The following UBE2Q2 variants were observed in gnomAD, a reference collection of about 807,000 sequenced individuals.
UBE2Q2 encodes the protein ubiquitin conjugating enzyme E2 Q2.
UBE2Q2 carries 54 observed loss-of-function variants against 59.9 expected under a neutral mutation model. The observed-to-expected ratio is 0.90, with a 90% CI of 0.72 to 1.13. The LOEUF (loss-of-function observed/expected upper bound fraction) is 1.13. UBE2Q2 is among the 50% of genes most tolerant of loss of function. The pLI, the probability that UBE2Q2 is intolerant of heterozygous loss-of-function variation, is 0.00. For missense variants in UBE2Q2, 433 were observed against 441.9 expected, an observed-to-expected ratio of 0.98 and a Z score of 0.18; for synonymous variants, 165 against 155.2, an observed-to-expected ratio of 1.06 and a Z score of -0.47.
At chr15:75,898,755 T>G (rs532379144) in intron 12 of UBE2Q2, among the ~76,000 whole-genome samples, 2 of 152,192 alleles carry the variant, frequency 1.3e-5, no homozygotes, top group African/African-American at 4.8e-5. Flanking sequence ...TTTGGGGAAA[T>G]AAGTACTTTC....
Position 75,883,968 on chromosome 15 carries a change from C to T in UBE2Q2, c.884+544C>T, listed in dbSNP as rs908120062. On this transcript the variant is annotated intron_variant, in intron 9 of 12. Transcript: ENST00000267938. ...TGTTACGATTAGAGAATGGTCCCCA[C>T]ATGCCTGTGATCCTAATTGGTACTT... 6.6e-5 allele frequency among the ~76,000 whole-genome samples: 10 copies of T among 152,258 alleles called. No homozygotes were observed. In the East Asian group the frequency reaches 1.3e-3, roughly 21 times the overall value.
At chr15:75,871,790 G>A (rs750161479) in intron 4 of UBE2Q2, among the ~76,000 whole-genome samples, 18 of 152,218 alleles carry the variant, frequency 1.2e-4, no homozygotes, top group Non-Finnish European at 2.2e-4. Flanking sequence ...CACAGACACA[G>A]TAACAGGCTG....
At chr15:75,890,074 G>A (rs983919617) in intron 9 of UBE2Q2, among the ~76,000 whole-genome samples, 6 of 98,766 alleles carry the variant, frequency 6.1e-5, no homozygotes, top group Non-Finnish European at 1.2e-4. Flanking sequence ...TAACATGGTA[G>A]AGAAAGTTTC....
chr15:75,878,110 C>G, intron 7 of UBE2Q2, 89 bp downstream of exon 7: 1 of 1,099,036 alleles, frequency 9.1e-7, no homozygotes, highest in Admixed American at 2.3e-5. Context: ...TACCTTTATA[C>G]TATGGCTTTT....
rs1029220038 is a variant in UBE2Q2 at position 75,890,940 on chromosome 15, A to G, written c.955A>G (p.Ile319Val). 9.3e-6 allele frequency: 15 copies of G among 1,612,868 alleles called. No homozygotes were observed. Among genetic ancestry groups the G allele is most frequent in the Middle Eastern group, 1.9e-4 (1 of 5,182 alleles). ...GTAGGGCTGGAGCAGTGCCTACTCA[A>G]TAGAATCGGTCATCATGCAAATAAA... ...TKQGWSSAYSIESVIMQINAT... is the reference protein window; with the variant it reads ...TKQGWSSAYSVESVIMQINAT... Residue 319 changes from isoleucine (I) to valine (V), a missense_variant, in exon 11 of 13, where the codon ATA (isoleucine) becomes GTA (valine). Coordinates refer to ENST00000267938, the MANE Select transcript of UBE2Q2 (RefSeq NM_173469.4).
intron 4 of UBE2Q2, among the ~76,000 whole-genome samples, chr15:75,871,519 C>T (rs534784366): frequency 7.2e-5 from 11 of 152,308 alleles, no homozygotes; most frequent in African/African-American, 2.4e-4. Flanking sequence ...GAGGTCCCTG[C>T]GGCCTTCCGC....
In UBE2Q2 at chr15:75,879,447, T is replaced by TA. The variant is rs1898273602; in HGVS notation, c.825+262dup. On this transcript the variant is annotated intron_variant, in intron 8 of 12. Coordinates refer to ENST00000267938, the MANE Select transcript of UBE2Q2 (RefSeq NM_173469.4). Reference sequence around the variant, plus strand: ...ATAAAATGGAGAATTGTGGTGTTTATAAAGTGGTTTACAGCTATGTGGGAC... The same window carrying TA: ...ATAAAATGGAGAATTGTGGTGTTTATAAAAGTGGTTTACAGCTATGTGGGAC... 2.0e-5 allele frequency among the ~76,000 whole-genome samples: 3 copies of TA among 152,314 alleles called. No homozygotes were observed. In the South Asian group the frequency reaches 6.2e-4, roughly 32 times the overall value.
rs1281849574 is a variant in UBE2Q2, at chr15:75,896,980, G to T, written c.1030-15G>T. On this transcript the variant is annotated splice_polypyrimidine_tract_variant and intron_variant, in intron 11 of 12. Transcript: ENST00000267938. ...TAATTACACTTTTGATTTAAAATGT[G>T]TAATTCTCTTTCAGAATCAATATAA... The T allele has an allele frequency of 1.3e-6, 2 of 1,513,652 alleles. No homozygotes were observed. Among genetic ancestry groups the T allele is most frequent in the South Asian group, 2.4e-5 (2 of 81,912 alleles). The allele number at this position is 1,513,652 out of a possible 1,614,324, so 93.8% of individuals were successfully genotyped here. A position where few individuals can be genotyped will look rare whatever the true frequency, so the allele number is the denominator to read the frequency against.
rs111546883 is a variant in UBE2Q2, at chr15:75,898,206, A to G, written c.1096+1145A>G. Among the ~76,000 whole-genome samples, 128 of 152,084 alleles carry G rather than the reference A, an allele frequency of 8.4e-4. 1 individual carries two copies. The highest frequency in any genetic ancestry group is 2.8e-4 in the Non-Finnish European group (19 of 68,004). ...GAACCTGGGACACAGATTTCTTCTT[A>G]TCTTTGTTTTTATTTCTTAACCATT... On this transcript the variant is annotated intron_variant, in intron 12 of 12. Transcript: ENST00000267938.
chr15:75,890,472 C>A lies in UBE2Q2; in HGVS notation c.922C>A (p.Leu308Ile), dbSNP rs1899033815. The change falls in exon 10 of 13, where the codon CTC becomes ATC. Residue 308 changes from leucine (L) to isoleucine (I), a missense_variant. By Grantham distance (5) the Leu-to-Ile change is conservative (BLOSUM62 2). Coordinates refer to ENST00000267938, the MANE Select transcript of UBE2Q2 (RefSeq NM_173469.4). The stretch of plus-strand genomic sequence containing the variant: ...TGGAGGAGCATTATGTATGGAACTT[C>A]TCACAAAACAGGTGACTTTTCTTAC... Reference protein sequence around the residue: ...LGGGALCMELLTKQGWSSAYS... With the variant: ...LGGGALCMELITKQGWSSAYS... 6.2e-7 allele frequency: 1 copy of A among 1,609,136 alleles called. No individual in the cohort carries two copies. The highest frequency in any genetic ancestry group is 1.7e-5 in the Admixed American group (1 of 58,694).
intron 11 of UBE2Q2, among the ~76,000 whole-genome samples, chr15:75,892,009 C>T (rs1899136515): frequency 2.0e-5 from 3 of 152,170 alleles, no homozygotes; most frequent in Admixed American, 2.0e-4. Flanking sequence ...CTTATTCTCC[C>T]ACAGAATCCC....
At position 75,854,605 on chromosome 15, in the gene UBE2Q2, T is replaced by C. The variant is rs1567017784; in HGVS notation, c.282+118T>C. On this transcript the variant is annotated intron_variant, in intron 2 of 12. Coordinates refer to ENST00000267938, the MANE Select transcript of UBE2Q2 (RefSeq NM_173469.4). ...TTAATGATTATAATCTTGTAGGAAT[T>C]AAAGACTAGTTTGTTTGTTTTTTTT... The C allele has an allele frequency of 4.9e-6, 3 of 608,852 alleles. No homozygotes were observed. The East Asian group carries it at 9.7e-5, about 20-fold the overall frequency. The allele number at this position is 608,852 out of a possible 1,614,324, so 37.7% of individuals were successfully genotyped here.
At chr15:75,872,783 T>G (rs1333058606) in intron 4 of UBE2Q2, among the ~76,000 whole-genome samples, 1 of 152,198 alleles carries the variant, frequency 6.6e-6, no homozygotes, top group African/African-American at 2.4e-5. Context: ...ATAACTAAGA[T>G]TAACTGAAAT....
intron 1 of UBE2Q2, among the ~76,000 whole-genome samples, chr15:75,851,619 A>C (rs576395638): frequency 3.3e-5 from 5 of 152,212 alleles, no homozygotes; most frequent in Non-Finnish European, 7.3e-5. Context: ...GTTTTCCTTG[A>C]AATGACAGAA....
chr15:75,848,860 C>A (rs1304783492), intron 1 of UBE2Q2, among the ~76,000 whole-genome samples: 1 of 152,102 alleles, frequency 6.6e-6, no homozygotes, highest in Non-Finnish European at 1.5e-5. Context: ...GTGATCTCTT[C>A]TAGAAGATTC....
intron 11 of UBE2Q2, among the ~76,000 whole-genome samples, chr15:75,891,297 CAG>C (rs112278497): frequency 0.012 from 1,763 of 152,114 alleles, 26 homozygotes; most frequent in African/African-American, 0.04. Context: ...TATTTGTAAA[CAG>C]ATGTTTACAG....
rs1256596354 is a variant in UBE2Q2, at chr15:75,890,502, C to T, written c.933+19C>T. On this transcript the variant is annotated intron_variant, in intron 10 of 12. Coordinates refer to ENST00000267938, the MANE Select transcript of UBE2Q2 (RefSeq NM_173469.4). ...AAAACAGGTGACTTTTCTTACGATA[C>T]TCCATTTTCACCCACAATTTAGTGT... 4 of 1,604,356 alleles carry T rather than the reference C, an allele frequency of 2.5e-6. No individual in the cohort carries two copies. Among genetic ancestry groups the T allele is most frequent in the South Asian group, 2.3e-5 (2 of 88,728 alleles).
rs1449111836 is a variant in UBE2Q2, at chr15:75,858,564, C to T, written c.283-1314C>T. Among the ~76,000 whole-genome samples the T allele has an allele frequency of 2.0e-5, 3 of 152,256 alleles. 1 individual carries two copies. The highest frequency in any genetic ancestry group is 4.1e-4 in the South Asian group (2 of 4,822). On this transcript the variant is annotated intron_variant, in intron 2 of 12. Coordinates refer to ENST00000267938, the MANE Select transcript of UBE2Q2 (RefSeq NM_173469.4). ...CCCTGTGATCTCAGTTTCTTCCTCC[C>T]ATCCCTCAAATGCTTTTTTGGTGTG...
Position 75,889,180 on chromosome 15 carries a change from A to G in UBE2Q2, c.885-1255A>G, listed in dbSNP as rs187717980. ...TCTATGTTTCAGAAATAGAATACAC[A>G]AAAAAAAATTTAATCCCATGAACCT... is the stretch of plus-strand genomic sequence containing the variant. On this transcript the variant is annotated intron_variant, in intron 9 of 12. Coordinates refer to ENST00000267938, the MANE Select transcript of UBE2Q2 (RefSeq NM_173469.4). 1.2e-4 allele frequency among the ~76,000 whole-genome samples: 19 copies of G among 152,260 alleles called. No individual in the cohort carries two copies. In the East Asian group the frequency reaches 3.7e-3, roughly 29 times the overall value.
Sources: allele counts gnomAD v4.1 joint callset (sites outside exome capture counted in the v4.1 genomes callset), GRCh38; gene constraint gnomAD v4.1.1; transcripts MANE v1.5; gene names NCBI Gene and HGNC (gene_info 2026-07-23, HGNC 2026-07-21).